The following DNM3 variants were observed in gnomAD, a reference collection of about 807,000 sequenced individuals.
The protein encoded by DNM3 is dynamin-3.
DNM3 carries 47 observed loss-of-function variants against 101.6 expected under a neutral mutation model. The ratio of observed to expected loss-of-function variants is 0.46; its 90% CI spans 0.37 to 0.59. DNM3 has a LOEUF of 0.59. DNM3 is among the 20% of genes least tolerant of loss of function. The pLI is 0.00. For synonymous variants in DNM3, 385 were observed against 387.9 expected, an observed-to-expected ratio of 0.99 and a Z score of 0.09; for missense variants, 849 against 1,085.7, an observed-to-expected ratio of 0.78 and a Z score of 3.06.
chr1:172,407,871 T>C lies in DNM3; in HGVS notation c.*30T>C. The C allele has an allele frequency of 6.2e-7, 1 of 1,612,726 alleles. No homozygotes were observed. The highest frequency in any genetic ancestry group is 8.5e-7 in the Non-Finnish European group (1 of 1,178,958). ...AGTGTCTGGCATGGCAATTAATCAC[T>C]AATGAATTATGCGAAAGCAACATAT... On this transcript the variant is annotated 3_prime_UTR_variant, in exon 21 of 21. Transcript: ENST00000627582.
At chr1:172,230,968 C>T (rs2061314881) in intron 14 of DNM3, among the ~76,000 whole-genome samples, 1 of 151,922 alleles carries the variant, frequency 6.6e-6, no homozygotes, top group Non-Finnish European at 1.5e-5. Context: ...AGATCTTCTC[C>T]TCTTTTCTGT....
At position 172,068,911 on chromosome 1, in the gene DNM3, G is replaced by A. The variant is rs2051923690; in HGVS notation, c.1422+6G>A. ...AAGGGAAGACAAAGGACCAGGTAAA[G>A]AGAGGTCTTCCCTGGTGGGCAGGGA... On this transcript the variant is annotated splice_donor_region_variant and intron_variant, in intron 11 of 20. Transcript: ENST00000627582. The A allele has an allele frequency of 6.4e-7, 1 of 1,555,934 alleles. No homozygotes were observed. The highest frequency in any genetic ancestry group is 8.7e-7 in the Non-Finnish European group (1 of 1,149,318).
At chr1:172,303,627 G>C (rs2064591515) in intron 15 of DNM3, among the ~76,000 whole-genome samples, 1 of 152,202 alleles carries the variant, frequency 6.6e-6, no homozygotes, top group African/African-American at 2.4e-5. Flanking sequence ...GGCAGCCAGA[G>C]AGAAAGGTCG....
At chr1:172,309,640 A>G (rs1422817589) in intron 16 of DNM3, 2 of 152,210 alleles carry the variant, frequency 1.3e-5, no homozygotes, top group African/African-American at 4.8e-5. Flanking sequence ...AGTTCAGCTT[A>G]ACTCCTGAGG....
intron 14 of DNM3, among the ~76,000 whole-genome samples, chr1:172,174,076 G>C (rs1180884537): frequency 4.0e-5 from 6 of 151,600 alleles, no homozygotes; most frequent in Non-Finnish European, 8.9e-5. Context: ...ATAATAGTAT[G>C]TTAATAAGAA....
At chr1:171,880,659 A>G (rs2036186537) in intron 1 of DNM3, among the ~76,000 whole-genome samples, 1 of 152,194 alleles carries the variant, frequency 6.6e-6, no homozygotes, top group African/African-American at 2.4e-5. Flanking sequence ...ATAGAAAACA[A>G]TATGTAGAGT....
intron 18 of DNM3, among the ~76,000 whole-genome samples, chr1:172,385,031 TGA>T (rs976297027): frequency 5.3e-5 from 8 of 152,246 alleles, no homozygotes; most frequent in Non-Finnish European, 1.0e-4. Context: ...TTCTGATGTT[TGA>T]GTTTCTATTC....
chr1:171,901,534 G>C (rs919632019), intron 1 of DNM3, among the ~76,000 whole-genome samples: 1 of 152,116 alleles, frequency 6.6e-6, no homozygotes, highest in African/African-American at 2.4e-5. Flanking sequence ...ACTGATGCCC[G>C]GGAGAAGTGG....
intron 14 of DNM3, among the ~76,000 whole-genome samples, chr1:172,153,277 C>T (rs774500362): frequency 3.9e-5 from 6 of 152,138 alleles, no homozygotes; most frequent in Admixed American, 6.6e-5. Flanking sequence ...CAAGTTCATA[C>T]GGCAACAGTT....
At chr1:172,128,295 A>T (rs2056752355) in intron 13 of DNM3, among the ~76,000 whole-genome samples, 1 of 152,156 alleles carries the variant, frequency 6.6e-6, no homozygotes, top group Non-Finnish European at 1.5e-5. Context: ...TGTTTCCTAC[A>T]GCTACCTCAA....
intron 13 of DNM3, among the ~76,000 whole-genome samples, chr1:172,122,258 T>A (rs1220248999): frequency 6.6e-6 from 1 of 152,216 alleles, no homozygotes; most frequent in Non-Finnish European, 1.5e-5. Context: ...ATTTTTTCCC[T>A]GTCCTTACAA....
chr1:172,049,549 G>A (rs2050057516), intron 10 of DNM3, among the ~76,000 whole-genome samples: 1 of 152,166 alleles, frequency 6.6e-6, no homozygotes, highest in Admixed American at 6.6e-5. Flanking sequence ...TGAGGAATAT[G>A]GAGAACATGT....
intron 17 of DNM3, among the ~76,000 whole-genome samples, chr1:172,367,488 C>A (rs1463611680): frequency 6.6e-6 from 1 of 151,710 alleles, no homozygotes; most frequent in Non-Finnish European, 1.5e-5. Context: ...GTCAGAACAC[C>A]ACCAAACTGC....
At chr1:171,890,498 A>G (rs1000114782) in intron 1 of DNM3, among the ~76,000 whole-genome samples, 1 of 152,232 alleles carries the variant, frequency 6.6e-6, no homozygotes, top group Non-Finnish European at 1.5e-5. Context: ...CCATATTTCA[A>G]AGTTCTAACT....
Position 171,847,904 on chromosome 1 carries a change from G to C in DNM3, c.161+6087G>C, listed in dbSNP as rs1329951870. On this transcript the variant is annotated intron_variant, in intron 1 of 20. Coordinates refer to ENST00000627582, the MANE Select transcript of DNM3 (RefSeq NM_015569.5). The stretch of plus-strand genomic sequence containing the variant: ...ACTCTCTCTCTCTCTCTCTGTGTGT[G>C]TGTGTGTGTGTGTGTGTGTGTGTGT... 4.3e-3 allele frequency among the ~76,000 whole-genome samples: 655 copies of C among 151,248 alleles called. 4 individuals are homozygous for C. The highest frequency in any genetic ancestry group is 0.015 in the African/African-American group (614 of 41,176).
chr1:172,035,599 A>G (rs980792737), intron 6 of DNM3, among the ~76,000 whole-genome samples: 5 of 152,196 alleles, frequency 3.3e-5, no homozygotes, highest in African/African-American at 1.2e-4. Context: ...AGAAAGCCGC[A>G]GTATTGCTTT....
intron 4 of DNM3, among the ~76,000 whole-genome samples, chr1:172,002,613 T>C (rs2046421501): frequency 6.6e-6 from 1 of 152,084 alleles, no homozygotes; most frequent in Admixed American, 6.6e-5. Context: ...GAGTCTTATT[T>C]AGATTTGAAA....
rs1165611083 is a variant in DNM3, at chr1:172,106,847, CTTTTTTTTTTTTT to C, written c.1545+13984_1545+13996del. Among the ~76,000 whole-genome samples, 37 of 67,960 alleles carry C rather than the reference CTTTTTTTTTTTTT, an allele frequency of 5.4e-4. 1 individual carries two copies. Among genetic ancestry groups the C allele is most frequent in the Middle Eastern group, 0.04 (2 of 50 alleles). The allele number at this position is 67,960 out of a possible 152,430, so 44.6% of individuals were successfully genotyped here. A position where few individuals can be genotyped will look rare whatever the true frequency, so the allele number is the denominator to read the frequency against. ...TTATTCAATTTAAGGTAACATTATTCTTTTTTTTTTTTTTTTTTTTTTTTGAGACGGAGTCTCG... is the reference window on the plus strand; with the variant it reads ...TTATTCAATTTAAGGTAACATTATTCTTTTTTTTTTTGAGACGGAGTCTCG... On this transcript the variant is annotated intron_variant, in intron 13 of 20. Transcript: ENST00000627582.
intron 14 of DNM3, among the ~76,000 whole-genome samples, chr1:172,244,401 A>G (rs926871090): frequency 2.0e-5 from 3 of 152,114 alleles, no homozygotes. Context: ...AGAAACTAGC[A>G]TCAGAGTGAA....
Sources: gnomAD v4.1 joint callset for allele counts (sites outside exome capture counted in the v4.1 genomes callset) on GRCh38, gnomAD v4.1.1 for gene constraint, MANE v1.5 for transcripts, NCBI Gene and HGNC (gene_info 2026-07-23, HGNC 2026-07-21) for gene names.